The following ATL2 variants were observed in gnomAD, a reference collection of about 807,000 sequenced individuals.
The protein encoded by ATL2 is atlastin GTPase 2.
A neutral mutation model predicts 73.9 loss-of-function variants in ATL2; 31 were observed. That is an observed-to-expected ratio of 0.42 (90% CI 0.32 to 0.57). The LOEUF is 0.57. Ranked by LOEUF, ATL2 falls within the 20% of genes least tolerant of loss-of-function variation. The probability of loss-of-function intolerance (pLI) is 0.14; values close to 1 mark genes in which losing one functional copy is unlikely to be tolerated. For synonymous variants in ATL2, 291 were observed against 237.5 expected, an observed-to-expected ratio of 1.23 and a Z score of -2.07; for missense variants, 738 against 702.6, an observed-to-expected ratio of 1.05 and a Z score of -0.57.
intron 4 of ATL2, among the ~76,000 whole-genome samples, chr2:38,317,591 T>C (rs1668093774): frequency 6.6e-6 from 1 of 152,228 alleles, no homozygotes; most frequent in South Asian, 2.1e-4. Flanking sequence ...AAATTAAACA[T>C]TAAGTAATTA....
chr2:38,351,986 C>T (rs918134293), intron 1 of ATL2, among the ~76,000 whole-genome samples: 1 of 151,086 alleles, frequency 6.6e-6, no homozygotes, highest in African/African-American at 2.4e-5. Context: ...GTGGCAGGCC[C>T]CTGTAATCTC....
intron 1 of ATL2, among the ~76,000 whole-genome samples, chr2:38,349,415 T>C (rs1457695141): frequency 4.0e-5 from 6 of 149,450 alleles, no homozygotes; most frequent in South Asian, 4.3e-4. Context: ...CAGTAAACTA[T>C]CGCAAGGACA....
rs1316660805 is a variant in ATL2 at position 38,297,981 on chromosome 2, G to GA, written c.1632+162dup. 8.5e-5 allele frequency: 58 copies of GA among 686,146 alleles called. No homozygotes were observed. The Middle Eastern group carries it at 1.1e-3, about 13-fold the overall frequency. The allele number at this position is 686,146 out of a possible 1,614,324, so 42.5% of individuals were successfully genotyped here. On this transcript the variant is annotated intron_variant, in intron 12 of 12. Coordinates refer to ENST00000378954, the MANE Select transcript of ATL2 (RefSeq NM_001135673.4). ...AGTACATTAAAATTATAACTTTAAA[G>GA]AAAAAATCTTCAATTCATAAAGATT...
rs529223561 is a variant in ATL2 at position 38,305,704 on chromosome 2, TAAGA to T, written c.1071+3671_1071+3674del. Among the ~76,000 whole-genome samples, 365 of 152,108 alleles carry T rather than the reference TAAGA, an allele frequency of 2.4e-3. 4 individuals are homozygous for T. The highest frequency in any genetic ancestry group is 8.4e-3 in the African/African-American group (347 of 41,508). On this transcript the variant is annotated intron_variant, in intron 9 of 12. Coordinates refer to ENST00000378954, the MANE Select transcript of ATL2 (RefSeq NM_001135673.4). ...ATGACCACTAGATCAGTGAAGAAAT[TAAGA>T]AAGAAATAAACACATTCTTGAAACA...
In ATL2 at chr2:38,343,307, T is replaced by A. The variant is rs1335409257; in HGVS notation, c.324A>T (p.Ser108=). 6.2e-7 allele frequency: 1 copy of A among 1,611,740 alleles called. No homozygotes were observed. Among genetic ancestry groups the A allele is most frequent in the South Asian group, 1.1e-5 (1 of 90,868 alleles). ...ATCTAAGCATGAAGTCCAGTAGAAA[T>A]GACTTCCCTTTACGAAAAGCTCCTG... is the stretch of plus-strand genomic sequence containing the variant. The part of the protein sequence containing the change: ...SVAGAFRKGK[S]FLLDFMLRYM... Residue 108 remains serine, a synonymous_variant, in exon 2 of 13, where the codon TCA becomes TCT. Coordinates refer to ENST00000378954, the MANE Select transcript of ATL2 (RefSeq NM_001135673.4).
At chr2:38,317,205 A>G (rs1010753568) in intron 4 of ATL2, among the ~76,000 whole-genome samples, 2 of 152,176 alleles carry the variant, frequency 1.3e-5, no homozygotes, top group African/African-American at 4.8e-5. Context: ...TACCATTGAT[A>G]AGAACAATTT....
intron 1 of ATL2, among the ~76,000 whole-genome samples, chr2:38,357,954 G>C (rs924458491): frequency 2.0e-5 from 3 of 152,088 alleles, no homozygotes; most frequent in African/African-American, 7.2e-5. Context: ...TCAAGGCCAG[G>C]TCTTATTTAG....
chr2:38,343,719 T>C (rs1669862323), intron 1 of ATL2, among the ~76,000 whole-genome samples: 1 of 152,086 alleles, frequency 6.6e-6, no homozygotes, highest in African/African-American at 2.4e-5. Context: ...GTTGGCTGTG[T>C]CCCCACCCAA....
intron 12 of ATL2, chr2:38,296,712 G>A (rs1666914631): frequency 6.4e-7 from 1 of 1,552,796 alleles, no homozygotes; most frequent in Non-Finnish European, 8.7e-7. Flanking sequence ...TGAAGCAAAA[G>A]AAAAGAGAAA....
At chr2:38,372,893 T>C (rs1220577353) in intron 1 of ATL2, among the ~76,000 whole-genome samples, 1 of 152,204 alleles carries the variant, frequency 6.6e-6, no homozygotes, top group African/African-American at 2.4e-5. Flanking sequence ...AAAACTTGCC[T>C]ACCACCCTTG....
chr2:38,295,071 T>C lies in ATL2; in HGVS notation c.*923A>G, dbSNP rs1004552749. ...TATATCAAAAACTTCAAATTGTCTA[T>C]GCATTCACACACTGACATGAGCCAC... On this transcript the variant is annotated 3_prime_UTR_variant, in exon 13 of 13. Coordinates refer to ENST00000378954, the MANE Select transcript of ATL2 (RefSeq NM_001135673.4). The C allele has an allele frequency of 6.6e-6, 1 of 151,748 alleles. No individual in the cohort carries two copies. Among genetic ancestry groups the C allele is most frequent in the Non-Finnish European group, 1.5e-5 (1 of 67,996 alleles). 9.4% of individuals were successfully genotyped at this position (151,748 alleles called of 1,614,324 possible). A position where few individuals can be genotyped will look rare whatever the true frequency, so the allele number is the denominator to read the frequency against.
rs1441483379 is a variant in ATL2, at chr2:38,300,282, G to A, written c.1118C>T (p.Ser373Phe). 6.2e-7 allele frequency: 1 copy of A among 1,602,298 alleles called. No homozygotes were observed. The highest frequency in any genetic ancestry group is 8.5e-7 in the Non-Finnish European group (1 of 1,169,922). Residue 373 changes from serine to phenylalanine, a missense_variant, in exon 10 of 13, where the codon TCC becomes TTC. Coordinates refer to ENST00000378954, the MANE Select transcript of ATL2 (RefSeq NM_001135673.4). ...TCTCTCTCTCTCTACCTGAAGCATG[G>A]ACTTTGGATGTGGAAGTTCTTCTCC... is the stretch of plus-strand genomic sequence containing the variant. ...YQGEELPHPKSMLQATAEANN... is the reference protein window; with the variant it reads ...YQGEELPHPKFMLQATAEANN...
intron 1 of ATL2, among the ~76,000 whole-genome samples, chr2:38,365,652 G>T (rs138339904): frequency 6.8e-6 from 1 of 147,982 alleles, no homozygotes; most frequent in Non-Finnish European, 1.5e-5. Context: ...TTAGCCAGGC[G>T]TGAGGGCGGG....
At chr2:38,314,152 C>A (rs995955441) in intron 6 of ATL2, among the ~76,000 whole-genome samples, 1 of 152,130 alleles carries the variant, frequency 6.6e-6, no homozygotes, top group African/African-American at 2.4e-5. Context: ...GTATTAATGG[C>A]AACTTACAAA....
intron 2 of ATL2, among the ~76,000 whole-genome samples, chr2:38,327,392 T>C (rs1055387015): frequency 1.3e-5 from 2 of 152,036 alleles, no homozygotes. Context: ...CTTAGCTTAG[T>C]TGTAAATGTA....
intron 1 of ATL2, among the ~76,000 whole-genome samples, chr2:38,365,913 C>G (rs888584999): frequency 1.3e-5 from 2 of 151,906 alleles, no homozygotes; most frequent in African/African-American, 4.8e-5. Flanking sequence ...CGCCATTGCA[C>G]TCCAGCCTGG....
chr2:38,358,034 A>C (rs1323263669), intron 1 of ATL2, among the ~76,000 whole-genome samples: 1 of 152,214 alleles, frequency 6.6e-6, no homozygotes, highest in South Asian at 2.1e-4. Context: ...TCTTGTTAAA[A>C]TGCATATCCT....
At chr2:38,300,542 TATAAC>T (rs1027705915) in intron 9 of ATL2, 14 of 397,476 alleles carry the variant, frequency 3.5e-5, no homozygotes, top group Middle Eastern at 6.4e-4. Flanking sequence ...CTATAACAAA[TATAAC>T]ATAAAAGTTA....
intron 1 of ATL2, among the ~76,000 whole-genome samples, chr2:38,359,959 C>T (rs1183261414): frequency 1.3e-5 from 2 of 151,776 alleles, no homozygotes; most frequent in African/African-American, 4.8e-5. Flanking sequence ...GAAACCCCGT[C>T]TCTACTAAAA....
Sources: gnomAD v4.1 joint callset for allele counts (sites outside exome capture counted in the v4.1 genomes callset) on GRCh38, gnomAD v4.1.1 for gene constraint, MANE v1.5 for transcripts, NCBI Gene and HGNC (gene_info 2026-07-23, HGNC 2026-07-21) for gene names.